The following TSHZ2 variants were observed in gnomAD, a reference collection of about 807,000 sequenced individuals.
TSHZ2 encodes teashirt homolog 2.
Under a neutral mutation model 74.4 loss-of-function variants are expected in TSHZ2, and 21 were observed. That is an observed-to-expected ratio of 0.28 (90% CI 0.20 to 0.41). TSHZ2 has a LOEUF of 0.41. TSHZ2 is among the 10% of genes least tolerant of loss of function. The pLI, the probability that TSHZ2 is intolerant of heterozygous loss-of-function variation, is 1.00. For missense variants in TSHZ2, 1,244 were observed against 1,293.5 expected, an observed-to-expected ratio of 0.96 and a Z score of 0.59; for synonymous variants, 540 against 515.3, an observed-to-expected ratio of 1.05 and a Z score of -0.65.
chr20:53,026,253 C>T (rs912585862), intron 1 of TSHZ2, among the ~76,000 whole-genome samples: 15 of 152,074 alleles, frequency 9.9e-5, no homozygotes, highest in Admixed American at 9.8e-4. Flanking sequence ...CCTCCTGTGA[C>T]CTGTCTGCAA....
At chr20:53,485,742 A>T (rs1383822980) in intron 2 of TSHZ2, among the ~76,000 whole-genome samples, 2 of 151,962 alleles carry the variant, frequency 1.3e-5, no homozygotes, top group Non-Finnish European at 2.9e-5. Context: ...AAAAGACTAG[A>T]AGGAAATACA....
intron 1 of TSHZ2, among the ~76,000 whole-genome samples, chr20:53,139,300 T>C (rs1987330072): frequency 6.6e-6 from 1 of 152,220 alleles, no homozygotes. Context: ...TTATAGTAAG[T>C]ACTTGTTATT....
intron 1 of TSHZ2, among the ~76,000 whole-genome samples, chr20:52,997,261 G>GGC (rs1555813130): frequency 3.0e-5 from 4 of 135,054 alleles, no homozygotes; most frequent in African/African-American, 1.4e-4. Context: ...TCTTGCCCCG[G>GGC]GGGGGGGTTC....
chr20:53,199,322 A>C (rs1427223650), intron 1 of TSHZ2, among the ~76,000 whole-genome samples: 2 of 152,020 alleles, frequency 1.3e-5, no homozygotes, highest in Non-Finnish European at 2.9e-5. Flanking sequence ...AAAACACAGA[A>C]AATCAGCCAG....
chr20:53,330,007 A>G (rs1979660592), intron 2 of TSHZ2, among the ~76,000 whole-genome samples: 1 of 152,200 alleles, frequency 6.6e-6, no homozygotes, highest in African/African-American at 2.4e-5. Context: ...AGCCATGTCC[A>G]TTTGTTTACA....
intron 1 of TSHZ2, among the ~76,000 whole-genome samples, chr20:52,984,204 G>A (rs868424434): frequency 1.6e-4 from 24 of 152,286 alleles, no homozygotes; most frequent in African/African-American, 5.8e-4. Flanking sequence ...CTGTGTACCA[G>A]GTGCTGTAGG....
intron 2 of TSHZ2, among the ~76,000 whole-genome samples, chr20:53,321,211 C>T (rs1460868310): frequency 1.1e-4 from 16 of 152,124 alleles, no homozygotes; most frequent in Admixed American, 9.8e-4. Context: ...AGTAATTCAT[C>T]TTTCTTCTTT....
chr20:52,980,284 G>A (rs1981515205), intron 1 of TSHZ2, among the ~76,000 whole-genome samples: 1 of 152,190 alleles, frequency 6.6e-6, no homozygotes, highest in African/African-American at 2.4e-5. Flanking sequence ...CGGTGAAGCA[G>A]GGAAGATTTT....
At position 53,203,581 on chromosome 20, in the gene TSHZ2, T is replaced by A. The variant is rs147334052; in HGVS notation, c.41-49918T>A. On this transcript the variant is annotated intron_variant, in intron 1 of 2. Coordinates refer to ENST00000371497, the MANE Select transcript of TSHZ2 (RefSeq NM_173485.6). ...AAATGAGACATGAGAGGCTAAGAAG[T>A]GGGTGGGATGGCAGGCAGATTCTCC... 3.5e-3 allele frequency among the ~76,000 whole-genome samples: 533 copies of A among 152,044 alleles called. 5 individuals are homozygous for A. The highest frequency in any genetic ancestry group is 0.012 in the African/African-American group (514 of 41,486).
chr20:53,104,325 T>C (rs1986302004), intron 1 of TSHZ2, among the ~76,000 whole-genome samples: 1 of 151,832 alleles, frequency 6.6e-6, no homozygotes, highest in African/African-American at 2.4e-5. Context: ...AAAGGAGGAG[T>C]GGCGAAAGAG....
chr20:53,364,960 C>T (rs761254098), intron 2 of TSHZ2, among the ~76,000 whole-genome samples: 9 of 152,230 alleles, frequency 5.9e-5, no homozygotes, highest in Admixed American at 3.3e-4. Flanking sequence ...CTCCTTGTAA[C>T]GCGTGGAGGC....
At position 53,024,497 on chromosome 20, in the gene TSHZ2, AT is replaced by A. The variant is rs534943326; in HGVS notation, c.40+51172del. On this transcript the variant is annotated intron_variant, in intron 1 of 2. Transcript: ENST00000371497. ...CTACCATGTGCACTTGCTCTTGCAG[AT>A]TTTTTTTATTATTATACTTTAAGAT... 2.1e-3 allele frequency among the ~76,000 whole-genome samples: 312 copies of A among 151,884 alleles called. 2 individuals carry two copies. Among genetic ancestry groups the A allele is most frequent in the African/African-American group, 7.1e-3 (295 of 41,416 alleles).
At chr20:53,408,653 C>T (rs1024279411) in intron 2 of TSHZ2, among the ~76,000 whole-genome samples, 2 of 152,158 alleles carry the variant, frequency 1.3e-5, no homozygotes, top group East Asian at 1.9e-4. Context: ...GGCTCCTATT[C>T]GTCTTCAGCA....
intron 2 of TSHZ2, among the ~76,000 whole-genome samples, chr20:53,314,813 G>A (rs531525491): frequency 6.6e-6 from 1 of 151,950 alleles, no homozygotes; most frequent in Non-Finnish European, 1.5e-5. Context: ...GTAGAAACAG[G>A]GTCTCGCCAT....
intron 1 of TSHZ2, among the ~76,000 whole-genome samples, chr20:53,220,110 C>T (rs991324235): frequency 6.6e-6 from 1 of 152,200 alleles, no homozygotes; most frequent in African/African-American, 2.4e-5. Context: ...TTTTCCTTAC[C>T]ATGACCCTTC....
At chr20:53,485,547 A>G (rs1364265528) in intron 2 of TSHZ2, among the ~76,000 whole-genome samples, 3 of 152,096 alleles carry the variant, frequency 2.0e-5, no homozygotes, top group East Asian at 3.8e-4. Context: ...TGTCTCTACT[A>G]AAAATACAAA....
intron 1 of TSHZ2, among the ~76,000 whole-genome samples, chr20:53,115,498 G>A (rs961293964): frequency 2.0e-5 from 3 of 152,178 alleles, no homozygotes; most frequent in Non-Finnish European, 2.9e-5. Context: ...ATGATTGTGA[G>A]GCCTTCCCAG....
chr20:53,110,108 T>C (rs1337500129), intron 1 of TSHZ2, among the ~76,000 whole-genome samples: 4 of 152,308 alleles, frequency 2.6e-5, no homozygotes, highest in Middle Eastern at 6.8e-3. Context: ...TTCTGTGTGA[T>C]CATGGCCAGC....
intron 1 of TSHZ2, among the ~76,000 whole-genome samples, chr20:53,058,332 C>T (rs1435908217): frequency 6.6e-6 from 1 of 152,226 alleles, no homozygotes; most frequent in East Asian, 1.9e-4. Context: ...TGAATTCTGC[C>T]TGTCAAAACA....
Sources: allele counts gnomAD v4.1 joint callset (sites outside exome capture counted in the v4.1 genomes callset), GRCh38; gene constraint gnomAD v4.1.1; transcripts MANE v1.5; gene names NCBI Gene and HGNC (gene_info 2026-07-23, HGNC 2026-07-21).